EXD1: variants seen among roughly 807,000 people sequenced by gnomAD.
EXD1 encodes the protein piRNA biogenesis protein EXD1.
EXD1 carries 63 observed loss-of-function variants against 49.1 expected under a neutral mutation model. The ratio of observed to expected loss-of-function variants is 1.28; its 90% CI spans 1.05 to 1.58. The LOEUF (loss-of-function observed/expected upper bound fraction) is 1.58, where lower values mean the gene tolerates loss of function less well. Ranked by LOEUF, EXD1 falls within the 40% of genes most tolerant of loss-of-function variation. EXD1 has a pLI of 0.00. For missense variants in EXD1, 748 were observed against 666.0 expected (o/e 1.12, Z -1.36); for synonymous variants, 234 against 239.2 (o/e 0.98, Z 0.20).
chr15:41,190,331 G>T, intron 10 of EXD1: 1 of 485,594 alleles, frequency 2.1e-6, no homozygotes, highest in Middle Eastern at 6.2e-4. Flanking sequence ...AAATTAGCTG[G>T]GCATGGTGGC....
In EXD1 at chr15:41,195,945, C is replaced by T; in HGVS notation, c.627G>A (p.Lys209=). The T allele has an allele frequency of 6.2e-7, 1 of 1,610,510 alleles. No homozygotes were observed. Among genetic ancestry groups the T allele is most frequent in the Non-Finnish European group, 8.5e-7 (1 of 1,178,664 alleles). ...HNGLQMILED[K]RILKVIHDCR... ...TTTATATACTTACCTTCAAAATTCT[C>T]TTGTCTTCTAGTATCATCTGAAGTC... Residue 209 remains lysine, a synonymous_variant, in exon 8 of 12, where the codon AAG becomes AAA. Transcript: ENST00000458580.
chr15:41,196,380 G>A (rs538837547), intron 7 of EXD1, among the ~76,000 whole-genome samples: 9 of 145,962 alleles, frequency 6.2e-5, no homozygotes, highest in South Asian at 2.2e-4. Context: ...GCAGTGGCGC[G>A]ATCTTGGCTC....
chr15:41,201,956 T>C lies in EXD1; in HGVS notation c.535-5919A>G, dbSNP rs943140618. ...TCGCTTAAGGCCAGGAGTTCAAGAC[T>C]AGCTGGGGCAACAAAGCAAGACCCC... On this transcript the variant is annotated intron_variant, in intron 7 of 11. Coordinates refer to ENST00000458580, the MANE Select transcript of EXD1 (RefSeq NM_001286441.2). 1.1e-4 allele frequency among the ~76,000 whole-genome samples: 17 copies of C among 152,070 alleles called. No individual in the cohort carries two copies. The East Asian group carries it at 3.1e-3, about 28-fold the overall frequency.
rs867988086 is a variant in EXD1 at position 41,219,880 on chromosome 15, C to G, written c.152G>C (p.Gly51Ala). 6.5e-7 allele frequency: 1 copy of G among 1,535,598 alleles called. No homozygotes were observed. Among genetic ancestry groups the G allele is most frequent in the Non-Finnish European group, 8.7e-7 (1 of 1,146,680 alleles). Residue 51 changes from glycine to alanine, a missense_variant, in exon 3 of 12, where the codon GGT (glycine) becomes GCT (alanine). Physicochemically the swap from Gly to Ala is moderately conservative, Grantham distance 60. Coordinates refer to ENST00000458580, the MANE Select transcript of EXD1 (RefSeq NM_001286441.2). ...CAACTTCACTCCTGGGACACTTCGA[C>G]CTGTCTCCACATTCTTCACTGTTAC... ...VLKKVKNVET[G>A]RSVPGVKLFF...
chr15:41,185,391 G>C (rs1193290010), intron 11 of EXD1, among the ~76,000 whole-genome samples: 1 of 151,802 alleles, frequency 6.6e-6, no homozygotes, highest in Non-Finnish European at 1.5e-5. Flanking sequence ...TGTTGCCTTG[G>C]CTGGAGTGCA....
chr15:41,223,580 G>A (rs1237739503), intron 2 of EXD1, among the ~76,000 whole-genome samples: 1 of 151,986 alleles, frequency 6.6e-6, no homozygotes, highest in African/African-American at 2.4e-5. Context: ...AGAAAAAATA[G>A]GCCTGGCACA....
At chr15:41,209,387 G>T in intron 7 of EXD1, 114 bp downstream of exon 7, 5 of 863,380 alleles carry the variant, frequency 5.8e-6, no homozygotes, top group Non-Finnish European at 9.2e-6. Flanking sequence ...TGTGGCCTCA[G>T]TGACAGAGTG....
Position 41,219,844 on chromosome 15 carries a change from T to C in EXD1, c.188A>G (p.His63Arg). The change falls in exon 3 of 12, where the codon CAT (histidine) becomes CGT (arginine). Residue 63 changes from histidine to arginine, a missense_variant. Physicochemically the swap from His to Arg is conservative, Grantham distance 29. Coordinates refer to ENST00000458580, the MANE Select transcript of EXD1 (RefSeq NM_001286441.2). ...GGGGGTCTCACCATTCACAATCTCA[T>C]GCCCAAAAAACAACTTCACTCCTGG... ...SVPGVKLFFGHEIVNVELLDE... is the reference protein window; with the variant it reads ...SVPGVKLFFGREIVNVELLDE... 6.5e-7 allele frequency: 1 copy of C among 1,535,702 alleles called. No homozygotes were observed. The highest frequency in any genetic ancestry group is 8.7e-7 in the Non-Finnish European group (1 of 1,146,702).
intron 6 of EXD1, among the ~76,000 whole-genome samples, chr15:41,211,057 T>C (rs2046914120): frequency 6.6e-6 from 1 of 152,144 alleles, no homozygotes; most frequent in African/African-American, 2.4e-5. Flanking sequence ...CAAAAGCTTC[T>C]TTTTTTGTTT....
chr15:41,199,334 C>A (rs9972345), intron 7 of EXD1, among the ~76,000 whole-genome samples: 40,127 of 151,060 alleles, frequency 0.27, 7,115 homozygotes, highest in African/African-American at 0.5. Flanking sequence ...GTGATCCACC[C>A]GTCTCAGCCT....
chr15:41,197,511 G>A (rs1344692207), intron 7 of EXD1, among the ~76,000 whole-genome samples: 2 of 151,270 alleles, frequency 1.3e-5, no homozygotes, highest in Non-Finnish European at 2.9e-5. Context: ...TTACAGGCAT[G>A]AGCCACCACG....
At chr15:41,199,138 T>C (rs1001743548) in intron 7 of EXD1, among the ~76,000 whole-genome samples, 9 of 152,126 alleles carry the variant, frequency 5.9e-5, no homozygotes, top group African/African-American at 1.9e-4. Context: ...TTTGTATTTT[T>C]AGTAGAGACG....
chr15:41,193,276 T>C (rs569854056), intron 9 of EXD1, among the ~76,000 whole-genome samples: 1 of 152,332 alleles, frequency 6.6e-6, no homozygotes, highest in East Asian at 1.9e-4. Context: ...TATTAGTCTT[T>C]GTTACCCTTT....
At position 41,190,025 on chromosome 15, in the gene EXD1, T is replaced by C. The variant is rs201378101; in HGVS notation, c.968A>G (p.Asp323Gly). The C allele has an allele frequency of 4.3e-6, 7 of 1,613,956 alleles. No homozygotes were observed. Among genetic ancestry groups the C allele is most frequent in the South Asian group, 1.1e-5 (1 of 91,084 alleles). Residue 323 changes from aspartate (D) to glycine (G), a missense_variant, in exon 11 of 12, where the codon GAT becomes GGT. Coordinates refer to ENST00000458580, the MANE Select transcript of EXD1 (RefSeq NM_001286441.2). ...YLLPLRLALL[D>G]EMMSDLTTLV... ...GGTGGTTAGGTCAGACATCATCTCA[T>C]CTAGGAGTGCCAAGCGAAGGGGTAA...
chr15:41,211,750 A>T (rs1328466059), intron 6 of EXD1, among the ~76,000 whole-genome samples: 1 of 150,338 alleles, frequency 6.7e-6, no homozygotes, highest in African/African-American at 2.5e-5. Context: ...GCTTGAGTCC[A>T]GGAGTTCAAG....
At chr15:41,185,474 T>C (rs933707751) in intron 11 of EXD1, among the ~76,000 whole-genome samples, 3 of 151,938 alleles carry the variant, frequency 2.0e-5, no homozygotes, top group Admixed American at 2.0e-4. Flanking sequence ...GCCTCCTGGG[T>C]AGCTGGAAGC....
rs2140782488 is a variant in EXD1 at position 41,183,456 on chromosome 15, G to A, written c.*475C>T. ...ATGGTGTAGCCCTGCTCCACAAGGA[G>A]CGGTAAAAAAAAATAAATAAAACAA... is the stretch of plus-strand genomic sequence containing the variant. On this transcript the variant is annotated 3_prime_UTR_variant, in exon 12 of 12. Transcript: ENST00000458580. The A allele has an allele frequency of 6.7e-6, 1 of 149,488 alleles. No homozygotes were observed. The highest frequency in any genetic ancestry group is 1.9e-4 in the East Asian group (1 of 5,134). 9.3% of individuals were successfully genotyped at this position (149,488 alleles called of 1,614,324 possible).
At chr15:41,185,371 G>T (rs2046392403) in intron 11 of EXD1, among the ~76,000 whole-genome samples, 1 of 151,726 alleles carries the variant, frequency 6.6e-6, no homozygotes, top group Non-Finnish European at 1.5e-5. Flanking sequence ...TTTTAGACAG[G>T]GTCTTGCTCT....
chr15:41,183,849 T>C lies in EXD1; in HGVS notation c.*82A>G. On this transcript the variant is annotated 3_prime_UTR_variant, in exon 12 of 12. Transcript: ENST00000458580. ...CTGAAGCATTACTACATTTACAACA[T>C]GAGAAACCTGGGCACTGTGGAAAGC... 2.2e-6 allele frequency: 3 copies of C among 1,374,098 alleles called. No individual in the cohort carries two copies. The highest frequency in any genetic ancestry group is 2.9e-5 in the South Asian group (2 of 68,598). The allele number at this position is 1,374,098 out of a possible 1,614,324, so 85.1% of individuals were successfully genotyped here.
Sources: gnomAD v4.1 joint callset for allele counts (sites outside exome capture counted in the v4.1 genomes callset) on GRCh38, gnomAD v4.1.1 for gene constraint, MANE v1.5 for transcripts, NCBI Gene and HGNC (gene_info 2026-07-23, HGNC 2026-07-21) for gene names.